Variants in TAB3 observed in about 807,000 individuals in gnomAD.
TAB3 encodes TGF-beta activated kinase 1 (MAP3K7) binding protein 3.
Under a neutral mutation model 48.1 loss-of-function variants are expected in TAB3, and 18 were observed. That is an observed-to-expected ratio of 0.37 (90% CI 0.26 to 0.55). TAB3 has a LOEUF of 0.55. TAB3 is among the 20% of genes least tolerant of loss of function. The pLI is 0.78. For synonymous variants in TAB3, 185 were observed against 190.2 expected (o/e 0.97, Z 0.22); for missense variants, 414 against 549.8 (o/e 0.75, Z 2.47).
Position 30,850,146 on chromosome X carries a change from G to A in TAB3, c.1710+2632C>T, listed in dbSNP as rs781644415. Among the ~76,000 whole-genome samples, 208 of 111,133 alleles carry A rather than the reference G, an allele frequency of 1.9e-3. 1 individual carries two copies. Among genetic ancestry groups the A allele is most frequent in the African/African-American group, 6.3e-3 (193 of 30,534 alleles). Reference sequence around the variant, plus strand: ...GCACCTGACTTGAGAGCCTACTCACGGTCTCAACCACCACGTACTGTCCCT... The same window carrying A: ...GCACCTGACTTGAGAGCCTACTCACAGTCTCAACCACCACGTACTGTCCCT... On this transcript the variant is annotated intron_variant, in intron 7 of 10. Transcript: ENST00000288422.
At chrX:30,853,688 T>G (rs1254862322) in intron 6 of TAB3, among the ~76,000 whole-genome samples, 1 of 112,889 alleles carries the variant, frequency 8.9e-6, no homozygotes, top group Non-Finnish European at 1.9e-5. Context: ...TTTGTTTGTT[T>G]GTTTTGGACA....
intron 1 of TAB3, among the ~76,000 whole-genome samples, chrX:30,885,094 C>T (rs770648735): frequency 1.8e-5 from 2 of 112,347 alleles, no homozygotes; most frequent in Non-Finnish European, 3.8e-5. Flanking sequence ...GTTTATCTCC[C>T]ACAAGAGCCA....
Position 30,886,230 on chromosome X carries a change from TATG to T in TAB3, c.-383+2881_-383+2883del, listed in dbSNP as rs1466502692. ...GTATGAAAATAAACTTATAAGTAGATATGAGGCAATTTCCTGGTGTTTTATCTT... is the reference window on the plus strand; with the variant it reads ...GTATGAAAATAAACTTATAAGTAGATAGGCAATTTCCTGGTGTTTTATCTT... On this transcript the variant is annotated intron_variant, in intron 1 of 10. Transcript: ENST00000288422. Among the ~76,000 whole-genome samples, 7 of 111,917 alleles carry T rather than the reference TATG, an allele frequency of 6.3e-5. No homozygotes were observed. In the Admixed American group the frequency reaches 6.6e-4, roughly 11 times the overall value.
intron 9 of TAB3, chrX:30,836,888 G>T (rs1938241570): frequency 9.0e-6 from 1 of 110,679 alleles, no homozygotes. Context: ...AAAGGTACTT[G>T]TAGAGCGCTA....
intron 7 of TAB3, among the ~76,000 whole-genome samples, chrX:30,849,290 T>C (rs1938749518): frequency 8.9e-6 from 1 of 112,432 alleles, no homozygotes; most frequent in South Asian, 3.7e-4. Context: ...GCATCTTATA[T>C]CTTGCACTTC....
At chrX:30,833,275 G>A (rs1419656188) in intron 10 of TAB3, among the ~76,000 whole-genome samples, 1 of 109,979 alleles carries the variant, frequency 9.1e-6, no homozygotes, top group Non-Finnish European at 1.9e-5. Context: ...GGCCTACTAT[G>A]CCATTTTCAG....
In TAB3 at chrX:30,834,091, T is replaced by A. The variant is rs1018970875; in HGVS notation, c.1950A>T (p.Val650=). ...CCTGGGTGTCATGGATGTCTGCCTGTACTTTGGAGGTCACGCTAATTCTTC... is the reference window on the plus strand; with the variant it reads ...CCTGGGTGTCATGGATGTCTGCCTGAACTTTGGAGGTCACGCTAATTCTTC... ...KARRISVTSK[V]QADIHDTQAA... Residue 650 remains valine, a synonymous_variant, in exon 10 of 11, where the codon GTA becomes GTT. Coordinates refer to ENST00000288422, the MANE Select transcript of TAB3 (RefSeq NM_152787.5). The A allele has an allele frequency of 5.0e-6, 6 of 1,209,985 alleles. No homozygotes were observed. Among genetic ancestry groups the A allele is most frequent in the Admixed American group, 2.2e-5 (1 of 45,692 alleles).
At chrX:30,864,710 C>CAGTT (rs1939349455) in intron 4 of TAB3, among the ~76,000 whole-genome samples, 2 of 111,784 alleles carry the variant, frequency 1.8e-5, no homozygotes, top group African/African-American at 3.3e-5. Flanking sequence ...CTTCCTGAAA[C>CAGTT]AGTTATATCA....
At chrX:30,888,979 G>A (rs1423077379) in intron 1 of TAB3, 135 bp downstream of exon 1, 1 of 113,384 alleles carries the variant, frequency 8.8e-6, no homozygotes, top group Non-Finnish European at 1.9e-5. Context: ...CGCAGTCCCG[G>A]GCCGGGGTGA....
chrX:30,856,110 T>C (rs1004325635), intron 5 of TAB3, among the ~76,000 whole-genome samples: 19 of 112,220 alleles, frequency 1.7e-4, no homozygotes, highest in Non-Finnish European at 3.0e-4. Context: ...ATTTTTCTTT[T>C]ACCTAAATTT....
intron 1 of TAB3, among the ~76,000 whole-genome samples, chrX:30,885,744 A>C (rs1940112623): frequency 8.9e-6 from 1 of 111,921 alleles, no homozygotes; most frequent in Non-Finnish European, 1.9e-5. Context: ...GAAGAAGAGG[A>C]GAAACCATTG....
intron 10 of TAB3, among the ~76,000 whole-genome samples, chrX:30,833,205 G>A (rs182018940): frequency 0.012 from 1,354 of 109,264 alleles, 17 homozygotes; most frequent in African/African-American, 0.04. Flanking sequence ...TCCTGACCTC[G>A]TGATCCGCCT....
chrX:30,842,890 T>G (rs1938499928), intron 9 of TAB3, 76 bp downstream of exon 9: 1 of 630,237 alleles, frequency 1.6e-6, no homozygotes, highest in African/African-American at 2.3e-5. Flanking sequence ...TAGTGGAAAT[T>G]TCTTCAGATA....
At chrX:30,864,258 A>G (rs747139238) in intron 4 of TAB3, among the ~76,000 whole-genome samples, 2 of 111,783 alleles carry the variant, frequency 1.8e-5, no homozygotes, top group African/African-American at 6.5e-5. Flanking sequence ...CATAAACCCT[A>G]TGATCATCAC....
At chrX:30,889,008 T>C (rs1212075351) in intron 1 of TAB3, 106 bp downstream of exon 1, 2 of 112,791 alleles carry the variant, frequency 1.8e-5, no homozygotes, top group Admixed American at 9.2e-5. Flanking sequence ...GACGCCGCAG[T>C]TGCGCACACG....
Position 30,863,238 on chromosome X carries a change from T to C in TAB3, c.-90-3560A>G, listed in dbSNP as rs987454878. ...TCACATCAGCGCTAACTGACATGAATAATCATTTAGTATTTCACAGTAATA... is the reference window on the plus strand; with the variant it reads ...TCACATCAGCGCTAACTGACATGAACAATCATTTAGTATTTCACAGTAATA... On this transcript the variant is annotated intron_variant, in intron 4 of 10. Transcript: ENST00000288422. Among the ~76,000 whole-genome samples the C allele has an allele frequency of 3.6e-5, 4 of 112,539 alleles. No homozygotes were observed. The Admixed American group carries it at 3.8e-4, about 11-fold the overall frequency.
rs770902099 is a variant in TAB3, at chrX:30,866,897, C to T, written c.-91+218G>A. 3.2e-5 allele frequency among the ~76,000 whole-genome samples: 3 copies of T among 95,025 alleles called. No individual in the cohort carries two copies. In the South Asian group the frequency reaches 1.6e-3, roughly 50 times the overall value. The allele number at this position is 95,025 out of a possible 115,157, so 82.5% of individuals were successfully genotyped here. A position where few individuals can be genotyped will look rare whatever the true frequency, so the allele number is the denominator to read the frequency against. ...AAAAAAAAAAAAAAAAAAAAGATTA[C>T]AGTGAAGAAACCTGACAAACACGTT... is the stretch of plus-strand genomic sequence containing the variant. On this transcript the variant is annotated intron_variant, in intron 4 of 10. Transcript: ENST00000288422.
chrX:30,830,471 T>C lies in TAB3; in HGVS notation c.*956A>G, dbSNP rs1316371759. On this transcript the variant is annotated 3_prime_UTR_variant, in exon 11 of 11. Coordinates refer to ENST00000288422, the MANE Select transcript of TAB3 (RefSeq NM_152787.5). ...TTGGAAGGAAAAAAAAAAGGCCCTA[T>C]GGACTGCAAAAGTTTAAGAACCACA... 2 of 111,820 alleles carry C rather than the reference T, an allele frequency of 1.8e-5. No homozygotes were observed. Among genetic ancestry groups the C allele is most frequent in the Non-Finnish European group, 3.8e-5 (2 of 53,108 alleles). The allele number at this position is 111,820 out of a possible 1,213,427, so 9.2% of individuals were successfully genotyped here.
intron 7 of TAB3, among the ~76,000 whole-genome samples, chrX:30,850,784 T>C (rs1381614258): frequency 2.1e-5 from 2 of 97,391 alleles, no homozygotes; most frequent in Non-Finnish European, 4.2e-5. Flanking sequence ...GGGGCTTTTT[T>C]CTTTTTTTTT....
Sources: allele counts gnomAD v4.1 joint callset (sites outside exome capture counted in the v4.1 genomes callset), GRCh38; gene constraint gnomAD v4.1.1; transcripts MANE v1.5; gene names NCBI Gene and HGNC (gene_info 2026-07-23, HGNC 2026-07-21).